Variants in POU4F3 observed in about 807,000 individuals in gnomAD.
POU4F3 encodes POU domain, class 4, transcription factor 3.
Under a neutral mutation model 22.0 loss-of-function variants are expected in POU4F3, and 7 were observed. The observed-to-expected ratio is 0.32, with a 90% CI of 0.18 to 0.60. POU4F3 has a LOEUF of 0.60. POU4F3 is among the 20% of genes least tolerant of loss of function. POU4F3 has a pLI of 0.85. For synonymous variants in POU4F3, 220 were observed against 194.5 expected (o/e 1.13, Z -1.09); for missense variants, 457 against 467.4 (o/e 0.98, Z 0.21).
rs1760421131 is a variant in POU4F3 at position 146,339,679 on chromosome 5, C to A, written c.252C>A (p.Ser84Arg). 1 of 1,614,136 alleles carries A rather than the reference C, an allele frequency of 6.2e-7. No individual in the cohort carries two copies. ...FKPDATYHTMSSVPCTSTSST... is the reference protein window; with the variant it reads ...FKPDATYHTMRSVPCTSTSST... ...CCGACGCCACCTACCATACCATGAG[C>A]AGCGTGCCCTGCACGTCCACTTCGT... The change falls in exon 2 of 2, where the codon AGC becomes AGA. Residue 84 changes from serine (S) to arginine (R), a missense_variant. Physicochemically the swap from Ser to Arg is moderately radical, Grantham distance 110 (BLOSUM62 -1). Transcript: ENST00000646991. The surrounding 1 kb of genome is among the most constrained non-coding windows in gnomAD (Gnocchi z 4.7).
rs561570779 is a variant in POU4F3, at chr5:146,341,366, C to T, written c.*922C>T. 3 of 152,228 alleles carry T rather than the reference C, an allele frequency of 2.0e-5. No individual in the cohort carries two copies. Among genetic ancestry groups the T allele is most frequent in the Non-Finnish European group, 4.4e-5 (3 of 68,042 alleles). 9.4% of individuals were successfully genotyped at this position (152,228 alleles called of 1,614,324 possible). On this transcript the variant is annotated 3_prime_UTR_variant, in exon 2 of 2. Transcript: ENST00000646991. ...GACTGTAACTTCTCTGCATTATATG[C>T]AAGTCCTTTCAACACGTCTAACCTC...
In POU4F3 at chr5:146,339,987, T is replaced by C; in HGVS notation, c.560T>C (p.Leu187Pro). The stretch of plus-strand genomic sequence containing the variant: ...GACGTGGAGTCAGACCCGCGCGAGC[T>C]GGAAGCCTTCGCCGAGCGCTTCAAG... Reference protein sequence around the residue: ...LSDVESDPRELEAFAERFKQR... With the variant: ...LSDVESDPREPEAFAERFKQR... Residue 187 changes from leucine (L) to proline (P), a missense_variant, in exon 2 of 2, where the codon CTG (leucine) becomes CCG (proline). Physicochemically the swap from Leu to Pro is moderately conservative, Grantham distance 98. Around this residue, in one of 2 missense-constraint regions of POU4F3, gnomAD observed 410 missense variants for 385.0 expected, o/e 1.06. Transcript: ENST00000646991. This position sits in a 1 kb window ranked among gnomAD's most constrained non-coding sequence, Gnocchi z 4.7. 6.2e-7 allele frequency: 1 copy of C among 1,612,992 alleles called. No individual in the cohort carries two copies. Among genetic ancestry groups the C allele is most frequent in the Non-Finnish European group, 8.5e-7 (1 of 1,179,944 alleles).
At position 146,339,594 on chromosome 5, in the gene POU4F3, G is replaced by C. The variant is rs1320755223; in HGVS notation, c.167G>C (p.Arg56Pro). The C allele has an allele frequency of 6.8e-6, 11 of 1,614,214 alleles. No individual in the cohort carries two copies. The highest frequency in any genetic ancestry group is 2.2e-5 in the East Asian group (1 of 44,866). Residue 56 changes from arginine (R) to proline (P), a missense_variant, in exon 2 of 2, where the codon CGC (arginine) becomes CCC (proline). By Grantham distance (103) the Arg-to-Pro change is moderately radical. Coordinates refer to ENST00000646991, the MANE Select transcript of POU4F3 (RefSeq NM_002700.3). The surrounding 1 kb of genome is among the most constrained non-coding windows in gnomAD (Gnocchi z 4.7). ...AGCTTTGATGAGAGCCTGCTGGCACGCGCCGAAGCTCTGGCGGCGGTGGAT... is the reference window on the plus strand; with the variant it reads ...AGCTTTGATGAGAGCCTGCTGGCACCCGCCGAAGCTCTGGCGGCGGTGGAT... ...FGSFDESLLA[R>P]AEALAAVDIV...
Position 146,340,604 on chromosome 5 carries a change from G to T in POU4F3, c.*160G>T, listed in dbSNP as rs1219430700. ...CCCTTTGTCCCGCCTGGTTGCCTCC[G>T]GCCTTCTCTCTCTTTCCTTTCTATT... On this transcript the variant is annotated 3_prime_UTR_variant, in exon 2 of 2. Transcript: ENST00000646991. 2 of 997,722 alleles carry T rather than the reference G, an allele frequency of 2.0e-6. No individual in the cohort carries two copies. The highest frequency in any genetic ancestry group is 4.5e-5 in the Admixed American group (2 of 44,906). The allele number at this position is 997,722 out of a possible 1,614,324, so 61.8% of individuals were successfully genotyped here. A position where few individuals can be genotyped will look rare whatever the true frequency, so the allele number is the denominator to read the frequency against.
Position 146,339,280 on chromosome 5 carries a change from G to C in POU4F3, c.120+48G>C. 6.2e-7 allele frequency: 1 copy of C among 1,612,564 alleles called. No individual in the cohort carries two copies. ...CGCTCTAAGGCACATTTTTTGACAG[G>C]CACTAGCTTCATGTTTTTTTCATGT... is the stretch of plus-strand genomic sequence containing the variant. On this transcript the variant is annotated intron_variant, in intron 1 of 1. Transcript: ENST00000646991. The surrounding 1 kb of genome is among the most constrained non-coding windows in gnomAD (Gnocchi z 4.7).
At position 146,340,732 on chromosome 5, in the gene POU4F3, C is replaced by T; in HGVS notation, c.*288C>T. On this transcript the variant is annotated 3_prime_UTR_variant, in exon 2 of 2. Transcript: ENST00000646991. ...GAAATTTGCCCTCGCGCAGGGGCCG[C>T]ACGACTTCAGAGCAGGAGCCCCAAA... 2 of 494,836 alleles carry T rather than the reference C, an allele frequency of 4.0e-6. No homozygotes were observed. The highest frequency in any genetic ancestry group is 7.4e-6 in the Non-Finnish European group (2 of 271,246). The allele number at this position is 494,836 out of a possible 1,614,324, so 30.7% of individuals were successfully genotyped here. A position where few individuals can be genotyped will look rare whatever the true frequency, so the allele number is the denominator to read the frequency against.
rs374959341 is a variant in POU4F3 at position 146,339,087 on chromosome 5, G to A, written c.-26G>A. 2 of 1,613,408 alleles carry A rather than the reference G, an allele frequency of 1.2e-6. No homozygotes were observed. Among genetic ancestry groups the A allele is most frequent in the Non-Finnish European group, 1.7e-6 (2 of 1,179,730 alleles). On this transcript the variant is annotated 5_prime_UTR_variant, in exon 1 of 2. Transcript: ENST00000646991. The surrounding 1 kb of genome is among the most constrained non-coding windows in gnomAD (Gnocchi z 4.7). ...AGACAAGCCTGATTCCATGTCACCCGCTGCCACCCTGCCAGGAGCGCGAAG... is the reference window on the plus strand; with the variant it reads ...AGACAAGCCTGATTCCATGTCACCCACTGCCACCCTGCCAGGAGCGCGAAG...
In POU4F3 at chr5:146,340,409, A is replaced by G. The variant is rs1339291105; in HGVS notation, c.982A>G (p.Lys328Glu). The G allele has an allele frequency of 6.2e-7, 1 of 1,614,110 alleles. No homozygotes were observed. The highest frequency in any genetic ancestry group is 1.3e-5 in the African/African-American group (1 of 74,936). ...VRVWFCNQRQ[K>E]QKRMKYSAVH is the part of the protein sequence containing the mutation. ...AGTCTGGTTCTGCAACCAGAGACAG[A>G]AACAGAAACGAATGAAGTATTCGGC... The change falls in exon 2 of 2, where the codon AAA (lysine) becomes GAA (glutamate). Residue 328 changes from lysine (K) to glutamate (E), a missense_variant. Around this residue, in one of 2 missense-constraint regions of POU4F3, gnomAD observed 47 missense variants for 82.4 expected, o/e 0.57. Transcript: ENST00000646991.
Position 146,341,331 on chromosome 5 carries a change from G to T in POU4F3, c.*887G>T, listed in dbSNP as rs1760453292. ...TTGCCAGCTCAGCGTGCAGTCGGCT[G>T]CTGGAAAACGACTGTAACTTCTCTG... On this transcript the variant is annotated 3_prime_UTR_variant, in exon 2 of 2. Coordinates refer to ENST00000646991, the MANE Select transcript of POU4F3 (RefSeq NM_002700.3). 1 of 152,256 alleles carries T rather than the reference G, an allele frequency of 6.6e-6. No individual in the cohort carries two copies. The highest frequency in any genetic ancestry group is 2.1e-4 in the South Asian group (1 of 4,838). The allele number at this position is 152,256 out of a possible 1,614,324, so 9.4% of individuals were successfully genotyped here. A position where few individuals can be genotyped will look rare whatever the true frequency, so the allele number is the denominator to read the frequency against.
chr5:146,339,108 C>A lies in POU4F3; in HGVS notation c.-5C>A. The A allele has an allele frequency of 6.2e-7, 1 of 1,614,052 alleles. No individual in the cohort carries two copies. The highest frequency in any genetic ancestry group is 8.5e-7 in the Non-Finnish European group (1 of 1,179,980). On this transcript the variant is annotated 5_prime_UTR_variant, in exon 1 of 2. Coordinates refer to ENST00000646991, the MANE Select transcript of POU4F3 (RefSeq NM_002700.3). The surrounding 1 kb of genome is among the most constrained non-coding windows in gnomAD (Gnocchi z 4.7). ...ACCCGCTGCCACCCTGCCAGGAGCG[C>A]GAAGATGATGGCCATGAACTCCAAG...
chr5:146,339,334 C>A lies in POU4F3; in HGVS notation c.120+102C>A. 1 of 1,574,074 alleles carries A rather than the reference C, an allele frequency of 6.4e-7. No individual in the cohort carries two copies. Among genetic ancestry groups the A allele is most frequent in the Non-Finnish European group, 8.7e-7 (1 of 1,148,340 alleles). ...CCAGAACAATCGCCGCTGTCTGAAC[C>A]CCTCTCCTTGTCTCCCCCGCGTTCT... is the stretch of plus-strand genomic sequence containing the variant. On this transcript the variant is annotated intron_variant, in intron 1 of 1. Transcript: ENST00000646991. The surrounding 1 kb of genome is among the most constrained non-coding windows in gnomAD (Gnocchi z 4.7).
chr5:146,340,990 A>G lies in POU4F3; in HGVS notation c.*546A>G, dbSNP rs1760449523. On this transcript the variant is annotated 3_prime_UTR_variant, in exon 2 of 2. Coordinates refer to ENST00000646991, the MANE Select transcript of POU4F3 (RefSeq NM_002700.3). ...TCCCTTCCTTGCCTAAATTCTATTCACCTTATCCTTTGGTTTGGCGTAAAT... is the reference window on the plus strand; with the variant it reads ...TCCCTTCCTTGCCTAAATTCTATTCGCCTTATCCTTTGGTTTGGCGTAAAT... The G allele has an allele frequency of 6.1e-6, 1 of 163,186 alleles. No individual in the cohort carries two copies. 10.1% of individuals were successfully genotyped at this position (163,186 alleles called of 1,614,324 possible).
chr5:146,340,219 C>A lies in POU4F3; in HGVS notation c.792C>A (p.Ser264Arg), dbSNP rs149975083. ...EAEAAYREKN[S>R]KPELFNGSER... is the part of the protein sequence containing the mutation. ...AGGCCGCCTACCGAGAGAAGAACAG[C>A]AAGCCAGAGCTCTTCAACGGCAGCG... The change falls in exon 2 of 2, where the codon AGC (serine) becomes AGA (arginine). Residue 264 changes from serine to arginine, a missense_variant. Transcript: ENST00000646991. 4 of 1,614,114 alleles carry A rather than the reference C, an allele frequency of 2.5e-6. No individual in the cohort carries two copies. Among genetic ancestry groups the A allele is most frequent in the African/African-American group, 1.3e-5 (1 of 74,948 alleles).
In POU4F3 at chr5:146,339,686, C is replaced by G. The variant is rs746793421; in HGVS notation, c.259C>G (p.Pro87Ala). Residue 87 changes from proline (P) to alanine (A), a missense_variant, in exon 2 of 2, where the codon CCC (proline) becomes GCC (alanine). Pro to Ala is a conservative substitution (Grantham distance 27). Coordinates refer to ENST00000646991, the MANE Select transcript of POU4F3 (RefSeq NM_002700.3). The surrounding 1 kb of genome is among the most constrained non-coding windows in gnomAD (Gnocchi z 4.7). ...DATYHTMSSV[P>A]CTSTSSTVPI... ...CACCTACCATACCATGAGCAGCGTG[C>G]CCTGCACGTCCACTTCGTCCACCGT... 6.2e-7 allele frequency: 1 copy of G among 1,614,202 alleles called. No homozygotes were observed.
rs1202579788 is a variant in POU4F3, at chr5:146,339,066, A to G, written c.-47A>G. 1 of 1,610,956 alleles carries G rather than the reference A, an allele frequency of 6.2e-7. No homozygotes were observed. The highest frequency in any genetic ancestry group is 1.7e-5 in the Admixed American group (1 of 59,524). ...TTGGAGAGCGGCAAGCAAGCTAGAC[A>G]AGCCTGATTCCATGTCACCCGCTGC... is the stretch of plus-strand genomic sequence containing the variant. On this transcript the variant is annotated 5_prime_UTR_variant, in exon 1 of 2. Coordinates refer to ENST00000646991, the MANE Select transcript of POU4F3 (RefSeq NM_002700.3). The surrounding 1 kb of genome is among the most constrained non-coding windows in gnomAD (Gnocchi z 4.7).
chr5:146,340,243 C>A lies in POU4F3; in HGVS notation c.816C>A (p.Ser272Arg). ...KNSKPELFNG[S>R]ERKRKRTSIA... ...GCAAGCCAGAGCTCTTCAACGGCAG[C>A]GAACGGAAGCGCAAACGCACGTCCA... Residue 272 changes from serine to arginine, a missense_variant, in exon 2 of 2, where the codon AGC (serine) becomes AGA (arginine). By Grantham distance (110) the Ser-to-Arg change is moderately radical. This residue lies in a region of POU4F3 where 410 missense variants were observed against 385.0 expected (regional missense o/e 1.06). Transcript: ENST00000646991. The A allele has an allele frequency of 6.2e-7, 1 of 1,614,180 alleles. No individual in the cohort carries two copies. The highest frequency in any genetic ancestry group is 1.1e-5 in the South Asian group (1 of 91,080).
rs1760417177 is a variant in POU4F3 at position 146,339,507 on chromosome 5, G to A, written c.121-41G>A. 6.2e-7 allele frequency: 1 copy of A among 1,612,310 alleles called. No homozygotes were observed. The highest frequency in any genetic ancestry group is 8.5e-7 in the Non-Finnish European group (1 of 1,178,510). ...AATGTGTTTTAATCCTGTGTTGACA[G>A]TATTCCCTACTGACCGTGCTGTGCG... is the stretch of plus-strand genomic sequence containing the variant. On this transcript the variant is annotated intron_variant, in intron 1 of 1. Transcript: ENST00000646991. This position sits in a 1 kb window ranked among gnomAD's most constrained non-coding sequence, Gnocchi z 4.7.
chr5:146,338,967 GA>G lies in POU4F3; in HGVS notation c.-144del, dbSNP rs956426946. 23 of 1,294,070 alleles carry G rather than the reference GA, an allele frequency of 1.8e-5. No homozygotes were observed. The highest frequency in any genetic ancestry group is 2.5e-5 in the Non-Finnish European group (23 of 922,946). The allele number at this position is 1,294,070 out of a possible 1,614,324, so 80.2% of individuals were successfully genotyped here. On this transcript the variant is annotated 5_prime_UTR_variant, in exon 1 of 2. An upstream open reading frame in the 5' UTR loses its in-frame stop. Coordinates refer to ENST00000646991, the MANE Select transcript of POU4F3 (RefSeq NM_002700.3). ...CTGGCAGGCTGCTTGTAAGATGAGT[GA>G]AGAAGCAGGTGGGGGAGAGGGGAGG...
In POU4F3 at chr5:146,340,472, G is replaced by A; in HGVS notation, c.*28G>A. On this transcript the variant is annotated 3_prime_UTR_variant, in exon 2 of 2. Coordinates refer to ENST00000646991, the MANE Select transcript of POU4F3 (RefSeq NM_002700.3). ...GCGGCAGGGCGCAGCGTCGGGAGCC[G>A]GGAGAGCCTAGTGCTCATCCCTCCC... The A allele has an allele frequency of 6.2e-7, 1 of 1,612,890 alleles. No individual in the cohort carries two copies. The highest frequency in any genetic ancestry group is 8.5e-7 in the Non-Finnish European group (1 of 1,179,958).
Sources: allele counts gnomAD v4.1 joint callset, GRCh38; gene constraint gnomAD v4.1.1; regional missense constraint gnomAD v4.1.1; non-coding constraint Gnocchi (gnomAD v3.1); transcripts MANE v1.5; gene names NCBI Gene and HGNC (gene_info 2026-07-23, HGNC 2026-07-21).